The following PDE1A variants were observed in gnomAD, a reference collection of about 807,000 sequenced individuals.
PDE1A encodes the protein phosphodiesterase 1A, also known as dual specificity calcium/calmodulin-dependent 3',5'-cyclic nucleotide phosphodiesterase 1A.
In PDE1A, 35 loss-of-function variants were observed where a neutral mutation model predicts 61.7. That is an observed-to-expected ratio of 0.57 (90% CI 0.43 to 0.75). The LOEUF (loss-of-function observed/expected upper bound fraction) is 0.75. Ranked by LOEUF, PDE1A falls within the 30% of genes least tolerant of loss-of-function variation. The pLI is 0.00. For synonymous variants in PDE1A, 232 were observed against 213.2 expected (o/e 1.09, Z -0.77); for missense variants, 597 against 630.6 (o/e 0.95, Z 0.57).
intron 2 of PDE1A, among the ~76,000 whole-genome samples, chr2:182,259,641 T>C (rs1692082086): frequency 6.6e-6 from 1 of 152,204 alleles, no homozygotes; most frequent in African/African-American, 2.4e-5. Context: ...ATCCAGACTT[T>C]GAACAACCTA....
At chr2:182,191,409 C>T (rs1685675951) in intron 10 of PDE1A, among the ~76,000 whole-genome samples, 1 of 152,028 alleles carries the variant, frequency 6.6e-6, no homozygotes, top group African/African-American at 2.4e-5. Flanking sequence ...ACTAATATTA[C>T]TATTGATGAA....
At chr2:182,568,501 C>T in the PDE1A span, among the ~76,000 whole-genome samples, 1 of 151,942 alleles carries the variant, frequency 6.6e-6, no homozygotes, top group Admixed American at 6.6e-5. Context: ...CCCATCTCTA[C>T]TAAAAATACA....
chr2:182,351,491 A>G (rs1698875654), intron 1 of PDE1A, among the ~76,000 whole-genome samples: 1 of 152,142 alleles, frequency 6.6e-6, no homozygotes, highest in Non-Finnish European at 1.5e-5. Flanking sequence ...GAAGTGGGGG[A>G]AAAGCAGTAC....
At chr2:182,468,159 T>C (rs1237717137) in intron 2 of PDE1A, among the ~76,000 whole-genome samples, 1 of 151,898 alleles carries the variant, frequency 6.6e-6, no homozygotes, top group African/African-American at 2.4e-5. Context: ...AGAATGAAGT[T>C]TGCTGCATCA....
intron 13 of PDE1A, among the ~76,000 whole-genome samples, chr2:182,162,838 T>TTTCCCCAGTTCAAAATGCATTA (rs1443137500): frequency 2.6e-5 from 4 of 152,138 alleles, no homozygotes; most frequent in Non-Finnish European, 2.9e-5. Flanking sequence ...AAGGTAGTTA[T>TTTCCCCAGTTCAAAATGCATTA]TTCCCCAGTT....
chr2:182,221,729 TTA>T (rs1688743955), intron 7 of PDE1A, among the ~76,000 whole-genome samples: 1 of 151,996 alleles, frequency 6.6e-6, no homozygotes, highest in South Asian at 2.1e-4. Context: ...CAGCTTGGAA[TTA>T]TCATGTGTCC....
chr2:182,291,761 G>C (rs192949051), intron 1 of PDE1A, among the ~76,000 whole-genome samples: 7 of 152,284 alleles, frequency 4.6e-5, no homozygotes, highest in Admixed American at 3.9e-4. Context: ...CCTGGATAAA[G>C]ACAGAGCTGG....
At chr2:182,669,107 TTAAC>T in the PDE1A span, among the ~76,000 whole-genome samples, 9,772 of 152,134 alleles carry the variant, frequency 0.064, 996 homozygotes, top group African/African-American at 0.22. Flanking sequence ...GAACTTTGAA[TTAAC>T]TGTTTCCCCC....
chr2:182,277,386 G>T (rs895721756), intron 1 of PDE1A, among the ~76,000 whole-genome samples: 1 of 152,076 alleles, frequency 6.6e-6, no homozygotes, highest in Non-Finnish European at 1.5e-5. Context: ...ATTGCGGGCG[G>T]GTTCCCCCGA....
chr2:182,550,443 C>CA, the PDE1A span, among the ~76,000 whole-genome samples: 2 of 152,124 alleles, frequency 1.3e-5, no homozygotes, highest in African/African-American at 4.8e-5. Context: ...GAATTCAGGG[C>CA]AATTCCAGCC....
chr2:182,449,893 C>CT (rs1685400063), intron 2 of PDE1A, among the ~76,000 whole-genome samples: 1 of 151,974 alleles, frequency 6.6e-6, no homozygotes, highest in Non-Finnish European at 1.5e-5. Context: ...TTTGACCCCT[C>CT]TATAGTATAT....
At chr2:182,642,836 A>G in the PDE1A span, among the ~76,000 whole-genome samples, 6 of 152,136 alleles carry the variant, frequency 3.9e-5, no homozygotes, top group Admixed American at 2.0e-4. Context: ...AATCCTGAAA[A>G]TTGCGTCTTC....
At chr2:182,282,653 A>G (rs545205564) in intron 1 of PDE1A, among the ~76,000 whole-genome samples, 1 of 152,132 alleles carries the variant, frequency 6.6e-6, no homozygotes, top group Non-Finnish European at 1.5e-5. Flanking sequence ...GTACCTATAT[A>G]TAATTCCAAA....
At chr2:182,209,878 A>G (rs1160871597) in intron 7 of PDE1A, among the ~76,000 whole-genome samples, 1 of 152,170 alleles carries the variant, frequency 6.6e-6, no homozygotes, top group Non-Finnish European at 1.5e-5. Flanking sequence ...ATTCTCTGCC[A>G]GCTTTTTATA....
chr2:182,671,600 G>A, the PDE1A span, among the ~76,000 whole-genome samples: 5 of 148,164 alleles, frequency 3.4e-5, no homozygotes, highest in Non-Finnish European at 5.9e-5. Context: ...GCTCTGGTGG[G>A]GTGGTTGTGA....
intron 2 of PDE1A, among the ~76,000 whole-genome samples, chr2:182,519,980 A>C (rs1690464431): frequency 6.6e-6 from 1 of 151,924 alleles, no homozygotes; most frequent in Non-Finnish European, 1.5e-5. Context: ...AGTCTATTTT[A>C]GCAAAAATAA....
chr2:182,555,723 T>A, the PDE1A span, among the ~76,000 whole-genome samples: 7 of 152,116 alleles, frequency 4.6e-5, no homozygotes, highest in Non-Finnish European at 8.8e-5. Context: ...ACCAGCACTT[T>A]GGGAGGCTGA....
At chr2:182,399,300 T>C (rs1701872304) in intron 1 of PDE1A, among the ~76,000 whole-genome samples, 1 of 152,002 alleles carries the variant, frequency 6.6e-6, no homozygotes, top group Admixed American at 6.6e-5. Flanking sequence ...CATAGATTAA[T>C]GTGTCATTAC....
chr2:182,555,775 G>A, the PDE1A span, among the ~76,000 whole-genome samples: 22 of 151,874 alleles, frequency 1.4e-4, no homozygotes, highest in African/African-American at 5.1e-4. Flanking sequence ...AGACCAGCCT[G>A]GCCGACATGA....
Sources: allele counts gnomAD v4.1 joint callset (sites outside exome capture counted in the v4.1 genomes callset), GRCh38; gene constraint gnomAD v4.1.1; transcripts MANE v1.5; gene names NCBI Gene and HGNC (gene_info 2026-07-23, HGNC 2026-07-21).